Variants in CFAP97D2 observed in about 807,000 individuals in gnomAD.
CFAP97D2 encodes uncharacterized protein CFAP97D2.
intron 4 of CFAP97D2, among the ~76,000 whole-genome samples, chr13:114,221,684 G>T (rs1417239220): frequency 6.6e-6 from 1 of 151,442 alleles, no homozygotes; most frequent in African/African-American, 2.4e-5. Flanking sequence ...TGCACATTGT[G>T]CACATGTACC....
intron 4 of CFAP97D2, among the ~76,000 whole-genome samples, chr13:114,221,964 T>C (rs908916032): frequency 2.0e-5 from 3 of 152,162 alleles, no homozygotes; most frequent in Non-Finnish European, 2.9e-5. Flanking sequence ...AACCCAAATG[T>C]CTATCAACTG....
chr13:114,188,808 A>C (rs1953380507), intron 1 of CFAP97D2, among the ~76,000 whole-genome samples: 2 of 150,922 alleles, frequency 1.3e-5, no homozygotes, highest in South Asian at 4.1e-4. Flanking sequence ...CAAAAAAAGA[A>C]AAACAAACCC....
intron 1 of CFAP97D2, among the ~76,000 whole-genome samples, chr13:114,190,107 A>T (rs1189258164): frequency 2.0e-5 from 3 of 152,030 alleles, no homozygotes; most frequent in African/African-American, 4.8e-5. Flanking sequence ...GCATCACTGC[A>T]CTCCAACCTG....
chr13:114,206,163 G>T (rs1430682931), intron 3 of CFAP97D2, among the ~76,000 whole-genome samples: 1 of 151,278 alleles, frequency 6.6e-6, no homozygotes, highest in Non-Finnish European at 1.5e-5. Context: ...GAGTGCAGTG[G>T]CACAATCTCG....
At chr13:114,209,226 C>T (rs1393617062) in intron 3 of CFAP97D2, among the ~76,000 whole-genome samples, 4 of 152,196 alleles carry the variant, frequency 2.6e-5, no homozygotes, top group Non-Finnish European at 2.9e-5. Context: ...TCCCGCTGTC[C>T]GCATCCAACA....
At chr13:114,182,210 G>A (rs990506188) in intron 1 of CFAP97D2, among the ~76,000 whole-genome samples, 1 of 144,098 alleles carries the variant, frequency 6.9e-6, no homozygotes, top group African/African-American at 2.6e-5. Context: ...AAGTTCAAGG[G>A]AAGGTACTAT....
In CFAP97D2 at chr13:114,198,301, T is replaced by C. The variant is rs115033469; in HGVS notation, c.171+1825T>C. On this transcript the variant is annotated intron_variant, in intron 2 of 4. Transcript: ENST00000646158. ...CTCCAGGACAAAAGGCTGTGGGCTTTATATGAGCCTGTTAAGCAGTGGTGT... is the reference window on the plus strand; with the variant it reads ...CTCCAGGACAAAAGGCTGTGGGCTTCATATGAGCCTGTTAAGCAGTGGTGT... Among the ~76,000 whole-genome samples, 1,372 of 152,336 alleles carry C rather than the reference T, an allele frequency of 9.0e-3. 13 individuals carry two copies. Among genetic ancestry groups the C allele is most frequent in the African/African-American group, 0.031 (1,279 of 41,568 alleles).
chr13:114,180,392 G>A (rs6560935), intron 1 of CFAP97D2, among the ~76,000 whole-genome samples: 89,950 of 151,814 alleles, frequency 0.59, 27,486 homozygotes, highest in African/African-American at 0.75. Context: ...CCCACCCCAC[G>A]TCAGGCCTCT....
chr13:114,222,905 G>A, downstream of CFAP97D2: 1 of 200,886 alleles, frequency 5.0e-6, no homozygotes, highest in Non-Finnish European at 9.9e-6. This position sits in a 1 kb window ranked among gnomAD's most constrained non-coding sequence, Gnocchi z 4.4. Context: ...TAGGAGGTGA[G>A]GGTTTGAATT....
chr13:114,216,472 G>GGAC (rs2080993836), intron 4 of CFAP97D2, among the ~76,000 whole-genome samples: 1 of 151,814 alleles, frequency 6.6e-6, no homozygotes, highest in African/African-American at 2.4e-5. Context: ...CCCGGTGTGT[G>GGAC]ACGCTAACCT....
At chr13:114,190,642 G>T (rs2080866169) in intron 1 of CFAP97D2, among the ~76,000 whole-genome samples, 1 of 152,158 alleles carries the variant, frequency 6.6e-6, no homozygotes, top group African/African-American at 2.4e-5. Context: ...GTAAATAAAT[G>T]GAGAGATATT....
At chr13:114,202,813 C>A (rs1228728346) in intron 3 of CFAP97D2, among the ~76,000 whole-genome samples, 2 of 152,158 alleles carry the variant, frequency 1.3e-5, no homozygotes, top group Non-Finnish European at 2.9e-5. Context: ...ACTACAGGAG[C>A]CAAGATCCCC....
intron 1 of CFAP97D2, among the ~76,000 whole-genome samples, chr13:114,182,365 T>G (rs1053321264): frequency 6.6e-5 from 10 of 152,138 alleles, no homozygotes; most frequent in East Asian, 3.9e-4. Flanking sequence ...ATTGAACAAA[T>G]GTACAATCGG....
At chr13:114,221,503 G>T (rs749822367) in intron 4 of CFAP97D2, among the ~76,000 whole-genome samples, 8 of 152,200 alleles carry the variant, frequency 5.3e-5, no homozygotes, top group Non-Finnish European at 1.0e-4. Flanking sequence ...TGCATGAGAA[G>T]ATGTTCAATG....
chr13:114,180,376 C>T (rs1172039705), intron 1 of CFAP97D2, among the ~76,000 whole-genome samples: 1 of 152,116 alleles, frequency 6.6e-6, no homozygotes, highest in Non-Finnish European at 1.5e-5. Flanking sequence ...GCCATAGCAC[C>T]CAGCCCCCAC....
chr13:114,206,152 G>A (rs2138776421), intron 3 of CFAP97D2, among the ~76,000 whole-genome samples: 1 of 148,082 alleles, frequency 6.8e-6, no homozygotes, highest in East Asian at 2.0e-4. Context: ...TGCCCAGGCT[G>A]GAGTGCAGTG....
intron 2 of CFAP97D2, among the ~76,000 whole-genome samples, chr13:114,198,473 T>A (rs1479031018): frequency 6.6e-6 from 1 of 152,226 alleles, no homozygotes; most frequent in Non-Finnish European, 1.5e-5. Flanking sequence ...CTATCTTTCT[T>A]AAAATATAAA....
chr13:114,199,189 G>A (rs1363705650), intron 2 of CFAP97D2, among the ~76,000 whole-genome samples: 8 of 35,732 alleles, frequency 2.2e-4, no homozygotes, highest in Non-Finnish European at 4.4e-5. Flanking sequence ...GCGTGACGGC[G>A]CGTCCCCGTG....
Position 114,207,472 on chromosome 13 carries a change from A to C in CFAP97D2, c.291-4440A>C, listed in dbSNP as rs2080946311. On this transcript the variant is annotated intron_variant, in intron 3 of 4. Coordinates refer to ENST00000646158, the Ensembl canonical transcript of CFAP97D2. The surrounding 1 kb of genome is among the most constrained non-coding windows in gnomAD (Gnocchi z 4.9). ...TGGAGACAGTGACAGATCATCAGGC[A>C]TTAGATTTTCATAAGGAACACGCAG... Among the ~76,000 whole-genome samples the C allele has an allele frequency of 6.6e-6, 1 of 152,120 alleles. No homozygotes were observed. Among genetic ancestry groups the C allele is most frequent in the Admixed American group, 6.5e-5 (1 of 15,280 alleles).
Sources: gnomAD v4.1 joint callset for allele counts (sites outside exome capture counted in the v4.1 genomes callset) on GRCh38, gnomAD v4.1.1 for gene constraint, Gnocchi (gnomAD v3.1) non-coding constraint, MANE v1.5 for transcripts, NCBI Gene and HGNC (gene_info 2026-07-23, HGNC 2026-07-21) for gene names.